The following STXBP4 variants were observed in gnomAD, a reference collection of about 807,000 sequenced individuals.
The protein encoded by STXBP4 is syntaxin binding protein 4.
In STXBP4, 55 loss-of-function variants were observed where a neutral mutation model predicts 76.1. The ratio of observed to expected loss-of-function variants is 0.72; its 90% confidence interval spans 0.58 to 0.91. The LOEUF (loss-of-function observed/expected upper bound fraction) is 0.91, where lower values mean the gene tolerates loss of function less well. Ranked by LOEUF, STXBP4 falls within the 40% of genes least tolerant of loss-of-function variation. The pLI is 0.00. For synonymous variants in STXBP4, 201 were observed against 220.2 expected (o/e 0.91, Z 0.77); for missense variants, 618 against 636.9 (o/e 0.97, Z 0.32).
chr17:55,075,827 T>G (rs972775929), intron 13 of STXBP4, among the ~76,000 whole-genome samples: 3 of 152,154 alleles, frequency 2.0e-5, no homozygotes, highest in Non-Finnish European at 4.4e-5. Flanking sequence ...ATTGCATGCA[T>G]CTCTTCTCAA....
intron 8 of STXBP4, among the ~76,000 whole-genome samples, chr17:55,011,717 T>C (rs1474658222): frequency 6.6e-6 from 1 of 152,132 alleles, no homozygotes; most frequent in African/African-American, 2.4e-5. Context: ...CCCTCTTTAC[T>C]ACCTGATTCG....
At chr17:55,088,063 G>T (rs2079361530) in intron 16 of STXBP4, among the ~76,000 whole-genome samples, 1 of 152,110 alleles carries the variant, frequency 6.6e-6, no homozygotes, top group Non-Finnish European at 1.5e-5. Context: ...GCTAATGTTG[G>T]CACATTTTGC....
chr17:55,077,951 CAT>C, intron 13 of STXBP4, 125 bp from the exon 14 acceptor site: 2 of 608,982 alleles, frequency 3.3e-6, no homozygotes, highest in Non-Finnish European at 5.6e-6. Context: ...AAAATCAAAA[CAT>C]ATGTACAGTA....
chr17:55,112,042 G>A (rs1241262582), intron 16 of STXBP4, among the ~76,000 whole-genome samples: 2 of 152,006 alleles, frequency 1.3e-5, no homozygotes, highest in African/African-American at 2.4e-5. Flanking sequence ...TAGCCTCCCA[G>A]ATAACTAGGA....
At chr17:55,023,413 C>T (rs576227092) in intron 8 of STXBP4, among the ~76,000 whole-genome samples, 2 of 152,132 alleles carry the variant, frequency 1.3e-5, no homozygotes, top group African/African-American at 4.8e-5. Context: ...GGAAAATTTA[C>T]GCCTGAGAAA....
Position 55,167,141 on chromosome 17 carries a change from C to A in STXBP4, c.*7230C>A, listed in dbSNP as rs1487655194. 2.0e-5 allele frequency: 3 copies of A among 152,130 alleles called. No homozygotes were observed. Among genetic ancestry groups the A allele is most frequent in the Non-Finnish European group, 2.9e-5 (2 of 68,022 alleles). 9.4% of individuals were successfully genotyped at this position (152,130 alleles called of 1,614,324 possible). On this transcript the variant is annotated 3_prime_UTR_variant, in exon 18 of 18. Coordinates refer to ENST00000376352, the MANE Select transcript of STXBP4 (RefSeq NM_178509.6). ...ACCGCAGTCCCCTATTGCTGCATAC[C>A]TTTTAATAAAGTATCAATCACACTA...
chr17:55,125,479 C>CAAAGAAAAAAAAAAAAA (rs2079899552), intron 16 of STXBP4, among the ~76,000 whole-genome samples: 1 of 91,778 alleles, frequency 1.1e-5, no homozygotes, highest in Admixed American at 1.4e-4. Flanking sequence ...GGACAAAATA[C>CAAAGAAAAAAAAAAAAA]AAAAAAAAAA....
chr17:55,124,975 AC>A (rs1209436122), intron 16 of STXBP4, among the ~76,000 whole-genome samples: 1 of 152,134 alleles, frequency 6.6e-6, no homozygotes, highest in African/African-American at 2.4e-5. Flanking sequence ...ACTCTTTATG[AC>A]CTCATTCAAC....
At position 55,043,220 on chromosome 17, in the gene STXBP4, AT is replaced by A; in HGVS notation, c.856-12del. 1 of 1,422,638 alleles carries A rather than the reference AT, an allele frequency of 7.0e-7. No homozygotes were observed. Among genetic ancestry groups the A allele is most frequent in the Non-Finnish European group, 9.4e-7 (1 of 1,067,744 alleles). 88.1% of individuals were successfully genotyped at this position (1,422,638 alleles called of 1,614,324 possible). A position where few individuals can be genotyped will look rare whatever the true frequency, so the allele number is the denominator to read the frequency against. On this transcript the variant is annotated splice_polypyrimidine_tract_variant and intron_variant, in intron 10 of 17. Coordinates refer to ENST00000376352, the MANE Select transcript of STXBP4 (RefSeq NM_178509.6). ...ATCTAATGCACAACTTTTCTCTTAT[AT>A]TTTAATGTTGATAGCTTCTTCCTTG...
chr17:55,081,111 A>C lies in STXBP4; in HGVS notation c.1417A>C (p.Ser473Arg). ...CACACCACTGGGAAGGAATGGACGT[A>C]GCATCCCAGCAACGCTGGCGCTTGA... Reference protein sequence around the residue: ...SLTPLGRNGRSIPATLALESK... With the variant: ...SLTPLGRNGRRIPATLALESK... The change falls in exon 16 of 18, where the codon AGC (serine) becomes CGC (arginine). Residue 473 changes from serine to arginine, a missense_variant. Ser to Arg is a moderately radical substitution (Grantham distance 110). Transcript: ENST00000376352. 6.4e-7 allele frequency: 1 copy of C among 1,558,410 alleles called. No homozygotes were observed. Among genetic ancestry groups the C allele is most frequent in the South Asian group, 1.2e-5 (1 of 82,762 alleles).
intron 1 of STXBP4, among the ~76,000 whole-genome samples, chr17:54,982,343 A>C (rs1187815827): frequency 1.3e-5 from 2 of 152,162 alleles, no homozygotes; most frequent in Non-Finnish European, 2.9e-5. Flanking sequence ...AGATTGTTTT[A>C]ATGAGATCAT....
downstream of STXBP4, among the ~76,000 whole-genome samples, chr17:55,176,853 ATTC>A (rs1412857932): frequency 6.6e-6 from 1 of 152,174 alleles, no homozygotes; most frequent in Non-Finnish European, 1.5e-5. Context: ...ATGGGACATC[ATTC>A]TTCTTCCCTC....
intron 11 of STXBP4, among the ~76,000 whole-genome samples, chr17:55,046,189 G>A (rs986747267): frequency 1.1e-4 from 17 of 151,920 alleles, no homozygotes; most frequent in African/African-American, 4.1e-4. Context: ...AAAAAACTAG[G>A]GCACAAAGAG....
At chr17:54,972,729 G>C (rs139181982) in intron 1 of STXBP4, among the ~76,000 whole-genome samples, 55 of 152,278 alleles carry the variant, frequency 3.6e-4, no homozygotes, top group African/African-American at 1.3e-3. Context: ...AGCACTAGAA[G>C]TGTTCATTAC....
intron 16 of STXBP4, among the ~76,000 whole-genome samples, chr17:55,123,095 A>C (rs1365430115): frequency 1.3e-5 from 2 of 152,148 alleles, no homozygotes; most frequent in African/African-American, 4.8e-5. Flanking sequence ...TAAGAAGAAA[A>C]GTATGCTCAA....
chr17:55,201,811 A>G, the STXBP4 span, among the ~76,000 whole-genome samples: 1 of 152,262 alleles, frequency 6.6e-6, no homozygotes, highest in Non-Finnish European at 1.5e-5. Flanking sequence ...CTCCACGAGC[A>G]AGAACCCAGC....
intron 11 of STXBP4, chr17:55,043,719 A>G (rs762968949): frequency 9.3e-5 from 126 of 1,361,022 alleles, no homozygotes; most frequent in Non-Finnish European, 1.3e-4. Context: ...GGCTATTCTT[A>G]AGGGACATCA....
chr17:55,208,801 G>T, the STXBP4 span, among the ~76,000 whole-genome samples: 1 of 152,128 alleles, frequency 6.6e-6, no homozygotes, highest in Non-Finnish European at 1.5e-5. Flanking sequence ...ACATTTTAAG[G>T]CTAGGCACGG....
chr17:54,974,720 G>A (rs1384364022), intron 1 of STXBP4, among the ~76,000 whole-genome samples: 2 of 152,224 alleles, frequency 1.3e-5, no homozygotes. Context: ...AGCTGGTGGT[G>A]TTAAACAGCA....
Sources: allele counts gnomAD v4.1 joint callset (sites outside exome capture counted in the v4.1 genomes callset), GRCh38; gene constraint gnomAD v4.1.1; transcripts MANE v1.5; gene names NCBI Gene and HGNC (gene_info 2026-07-23, HGNC 2026-07-21).